The following PARVA variants were observed in gnomAD, a reference collection of about 807,000 sequenced individuals.
PARVA encodes parvin alpha.
A neutral mutation model predicts 52.6 loss-of-function variants in PARVA; 25 were observed. The observed-to-expected ratio is 0.48, with a 90% CI of 0.35 to 0.66. PARVA has a LOEUF of 0.66. PARVA is among the 30% of genes least tolerant of loss of function. The pLI is 0.01. For missense variants in PARVA, 373 were observed against 450.9 expected, an observed-to-expected ratio of 0.83 and a Z score of 1.56; for synonymous variants, 185 against 179.1, an observed-to-expected ratio of 1.03 and a Z score of -0.26.
chr11:12,475,757 C>CGCCATGCAGCCCCGGCTAGGCT, intron 3 of PARVA, among the ~76,000 whole-genome samples: 1 of 152,206 alleles, frequency 6.6e-6, no homozygotes, highest in South Asian at 2.1e-4. Flanking sequence ...TTGGCTAGGC[C>CGCCATGCAGCCCCGGCTAGGCT]GCCATGCAGC....
chr11:12,481,430 T>A (rs1158579108), intron 4 of PARVA, among the ~76,000 whole-genome samples: 2 of 149,872 alleles, frequency 1.3e-5, no homozygotes, highest in South Asian at 4.2e-4. Flanking sequence ...CTGCCCATAT[T>A]TTTTTTTTTT....
chr11:12,498,283 G>A (rs1941324061), intron 5 of PARVA, among the ~76,000 whole-genome samples: 3 of 152,166 alleles, frequency 2.0e-5, no homozygotes, highest in African/African-American at 7.2e-5. Flanking sequence ...CAGTCCACCC[G>A]CCTCGGCCTC....
chr11:12,429,793 ATAAC>A (rs1290365918), intron 1 of PARVA, among the ~76,000 whole-genome samples: 4 of 152,218 alleles, frequency 2.6e-5, no homozygotes, highest in Non-Finnish European at 2.9e-5. Context: ...TAGGATATAA[ATAAC>A]TCCCACAAGC....
chr11:12,442,208 A>G (rs2135004932), intron 1 of PARVA, among the ~76,000 whole-genome samples: 1 of 152,318 alleles, frequency 6.6e-6, no homozygotes, highest in Admixed American at 6.5e-5. Flanking sequence ...GACAGGGAGG[A>G]CCTTTGGGCA....
At position 12,425,292 on chromosome 11, in the gene PARVA, G is replaced by C. The variant is rs577054916; in HGVS notation, c.136+47509G>C. ...ATGTAAACCACCTGTGAAACACTAG[G>C]CAACATGCTGGAGGATAAGACGAAC... On this transcript the variant is annotated intron_variant, in intron 1 of 12. Transcript: ENST00000334956. 2.0e-5 allele frequency among the ~76,000 whole-genome samples: 3 copies of C among 152,200 alleles called. No individual in the cohort carries two copies. The East Asian group carries it at 5.8e-4, about 29-fold the overall frequency.
In PARVA at chr11:12,513,302, G is replaced by T. The variant is rs1216380128; in HGVS notation, c.740G>T (p.Arg247Leu). 1 of 1,613,384 alleles carries T rather than the reference G, an allele frequency of 6.2e-7. No homozygotes were observed. The highest frequency in any genetic ancestry group is 8.5e-7 in the Non-Finnish European group (1 of 1,179,474). The stretch of plus-strand genomic sequence containing the variant: ...ATTGTGTTTCCCTCTTTTTCAGAAC[G>T]TGATGCCTTTGACACCTTGTTCGAC... ...NTEALSGRHE[R>L]DAFDTLFDHA... The change falls in exon 9 of 13, where the codon CGT (arginine) becomes CTT (leucine). Residue 247 changes from arginine to leucine, a missense_variant. Coordinates refer to ENST00000334956, the MANE Select transcript of PARVA (RefSeq NM_018222.5).
chr11:12,501,023 A>C (rs750840028), intron 5 of PARVA, among the ~76,000 whole-genome samples: 6 of 150,922 alleles, frequency 4.0e-5, no homozygotes, highest in Non-Finnish European at 8.9e-5. Context: ...CAGGAGAATC[A>C]CTTGAACCCA....
chr11:12,377,482 G>A (rs751327211), upstream of PARVA: 8 of 1,414,770 alleles, frequency 5.7e-6, no homozygotes, highest in South Asian at 4.6e-5. Context: ...GGGAGGGAGC[G>A]AGGGAGGGAG....
intron 1 of PARVA, among the ~76,000 whole-genome samples, chr11:12,434,483 C>G (rs1940360351): frequency 1.3e-5 from 2 of 152,224 alleles, no homozygotes; most frequent in African/African-American, 2.4e-5. Flanking sequence ...GTCTCCCAGC[C>G]TTGGAGTTCC....
chr11:12,472,417 CTG>C (rs371275073), intron 1 of PARVA, among the ~76,000 whole-genome samples: 19 of 152,266 alleles, frequency 1.2e-4, no homozygotes, highest in Non-Finnish European at 1.9e-4. Flanking sequence ...TAGTCGGTGT[CTG>C]TGAATGTGGA....
chr11:12,491,565 C>T (rs1941234342), intron 4 of PARVA, among the ~76,000 whole-genome samples: 1 of 152,074 alleles, frequency 6.6e-6, no homozygotes. Flanking sequence ...GCTGGGGTAA[C>T]TATTTTACAT....
chr11:12,503,743 GAA>G (rs1941392022), intron 5 of PARVA, among the ~76,000 whole-genome samples: 1 of 151,250 alleles, frequency 6.6e-6, no homozygotes, highest in South Asian at 2.1e-4. Context: ...CAAAAAAAAA[GAA>G]AGATTTGAGG....
intron 1 of PARVA, among the ~76,000 whole-genome samples, chr11:12,460,631 A>G (rs1246000665): frequency 6.6e-6 from 1 of 152,172 alleles, no homozygotes; most frequent in Non-Finnish European, 1.5e-5. Context: ...TTTGCTTACT[A>G]GCCCCACTGA....
chr11:12,405,889 C>T (rs572954842), intron 1 of PARVA, among the ~76,000 whole-genome samples: 39 of 152,114 alleles, frequency 2.6e-4, no homozygotes, highest in South Asian at 1.0e-3. Context: ...ACCTGGGAGG[C>T]GGAGGTTGCC....
chr11:12,382,074 G>A (rs138953449), intron 1 of PARVA, among the ~76,000 whole-genome samples: 2 of 152,362 alleles, frequency 1.3e-5, no homozygotes, highest in Non-Finnish European at 2.9e-5. Context: ...GCGTCACAAG[G>A]TGTTTTAAGC....
intron 7 of PARVA, among the ~76,000 whole-genome samples, chr11:12,509,186 T>C (rs533645024): frequency 6.6e-6 from 1 of 151,458 alleles, no homozygotes. Flanking sequence ...AAATTCATAG[T>C]GTGGGGTGAG....
chr11:12,473,912 G>A lies in PARVA; in HGVS notation c.227-1G>A. ...CCACTGAATTCCTTTTCTTTTTAAA[G>A]AGGAGAATGAGGTGCGAACAATGGT... On this transcript the variant is annotated splice_acceptor_variant, in intron 2 of 12. Coordinates refer to ENST00000334956, the MANE Select transcript of PARVA (RefSeq NM_018222.5). LOFTEE classifies it high-confidence loss of function. 4 of 1,574,884 alleles carry A rather than the reference G, an allele frequency of 2.5e-6. No homozygotes were observed. Among genetic ancestry groups the A allele is most frequent in the East Asian group, 2.3e-5 (1 of 42,708 alleles).
intron 1 of PARVA, among the ~76,000 whole-genome samples, chr11:12,413,398 A>G (rs11022346): frequency 0.44 from 67,163 of 152,072 alleles, 14,957 homozygotes; most frequent in African/African-American, 0.5. Flanking sequence ...AGGCATTACA[A>G]GTACATCCAT....
At chr11:12,487,037 T>C (rs1277901233) in intron 4 of PARVA, among the ~76,000 whole-genome samples, 1 of 152,086 alleles carries the variant, frequency 6.6e-6, no homozygotes, top group African/African-American at 2.4e-5. Flanking sequence ...TGGAAGGAAC[T>C]CCAGCAGAGC....
Sources: allele counts gnomAD v4.1 joint callset (sites outside exome capture counted in the v4.1 genomes callset), GRCh38; gene constraint gnomAD v4.1.1; transcripts MANE v1.5; gene names NCBI Gene and HGNC (gene_info 2026-07-23, HGNC 2026-07-21).